Variants in EFNA5 observed in about 807,000 individuals in gnomAD.
The protein encoded by EFNA5 is ephrin A5.
Under a neutral mutation model 22.9 loss-of-function variants are expected in EFNA5, and 5 were observed. That is an observed-to-expected ratio of 0.22 (90% CI 0.11 to 0.46). The LOEUF is 0.46. Among genes scored for constraint, EFNA5 ranks in the 20% least tolerant of loss-of-function variants. The probability of loss-of-function intolerance (pLI) is 0.99; values close to 1 mark genes in which losing one functional copy is unlikely to be tolerated. For synonymous variants in EFNA5, 113 were observed against 112.2 expected (o/e 1.01, Z -0.04); for missense variants, 237 against 293.3 (o/e 0.81, Z 1.40).
At chr5:107,396,995 G>A (rs549999008) in intron 2 of EFNA5, among the ~76,000 whole-genome samples, 2 of 152,236 alleles carry the variant, frequency 1.3e-5, no homozygotes, top group African/African-American at 4.8e-5. Flanking sequence ...AAGGAAACCA[G>A]CCCAGAGGTG....
chr5:107,601,129 A>C (rs1749583996), intron 1 of EFNA5, among the ~76,000 whole-genome samples: 1 of 152,220 alleles, frequency 6.6e-6, no homozygotes, highest in Non-Finnish European at 1.5e-5. Flanking sequence ...ACTTCGAAAG[A>C]GGTTTAGATT....
At chr5:107,599,662 C>G (rs1426782476) in intron 1 of EFNA5, among the ~76,000 whole-genome samples, 1 of 152,184 alleles carries the variant, frequency 6.6e-6, no homozygotes, top group African/African-American at 2.4e-5. Context: ...ATAAATATCA[C>G]TGCAGTCTAG....
In EFNA5 at chr5:107,512,669, T is replaced by C. The variant is rs1299810926; in HGVS notation, c.126-85160A>G. On this transcript the variant is annotated intron_variant, in intron 1 of 4. Transcript: ENST00000333274. ...TTTTGCAAAAGCATATACGAGAACTTAACTCCAAGATGACAGCTCCATCAA... is the reference window on the plus strand; with the variant it reads ...TTTTGCAAAAGCATATACGAGAACTCAACTCCAAGATGACAGCTCCATCAA... Among the ~76,000 whole-genome samples, 3 of 151,810 alleles carry C rather than the reference T, an allele frequency of 2.0e-5. No homozygotes were observed. In the East Asian group the frequency reaches 5.8e-4, roughly 29 times the overall value.
intron 4 of EFNA5, among the ~76,000 whole-genome samples, chr5:107,381,641 G>T (rs1006806110): frequency 3.3e-5 from 5 of 152,166 alleles, no homozygotes; most frequent in Non-Finnish European, 7.3e-5. Flanking sequence ...CCTTTGGCCT[G>T]TGAGCTGCTT....
chr5:107,653,460 C>T (rs1187659496), intron 1 of EFNA5, among the ~76,000 whole-genome samples: 1 of 152,146 alleles, frequency 6.6e-6, no homozygotes, highest in Non-Finnish European at 1.5e-5. Context: ...CTTGAGCCCG[C>T]TCTGGAGTGC....
At chr5:107,575,658 A>G (rs1040568104) in intron 1 of EFNA5, among the ~76,000 whole-genome samples, 2 of 152,202 alleles carry the variant, frequency 1.3e-5, no homozygotes, top group African/African-American at 2.4e-5. Context: ...ACTGAGCTCA[A>G]TGAAAACAAG....
At chr5:107,602,229 C>T (rs185609810) in intron 1 of EFNA5, among the ~76,000 whole-genome samples, 1 of 152,128 alleles carries the variant, frequency 6.6e-6, no homozygotes, top group Non-Finnish European at 1.5e-5. Flanking sequence ...TCCACAGGTA[C>T]CTCACTTATC....
intron 1 of EFNA5, among the ~76,000 whole-genome samples, chr5:107,615,812 C>T (rs535636084): frequency 1.3e-5 from 2 of 152,254 alleles, no homozygotes; most frequent in African/African-American, 2.4e-5. Flanking sequence ...ATCTTTTCTT[C>T]CCTCCAGTTA....
At chr5:107,395,052 T>TTTTTTTTTTTTTC (rs1554056358) in intron 2 of EFNA5, among the ~76,000 whole-genome samples, 65 of 144,264 alleles carry the variant, frequency 4.5e-4, no homozygotes, top group Non-Finnish European at 7.3e-4. Context: ...TTTTTTTTTT[T>TTTTTTTTTTTTTC]CCGCGAGACA....
chr5:107,516,174 T>TTGTG (rs59824895), intron 1 of EFNA5, among the ~76,000 whole-genome samples: 39,047 of 139,350 alleles, frequency 0.28, 5,963 homozygotes, highest in East Asian at 0.5. Flanking sequence ...CTGGCTAGTT[T>TTGTG]TGTGTGTGTG....
intron 1 of EFNA5, among the ~76,000 whole-genome samples, chr5:107,511,041 T>A (rs866972583): frequency 1.4e-4 from 21 of 149,832 alleles, no homozygotes; most frequent in African/African-American, 3.5e-4. Context: ...TGTGTGTGTG[T>A]GAGACGGAGA....
At chr5:107,427,622 T>A (rs1748842405) in intron 1 of EFNA5, 113 bp from the exon 2 acceptor site, 7 of 923,720 alleles carry the variant, frequency 7.6e-6, no homozygotes, top group Non-Finnish European at 7.7e-6. Flanking sequence ...GTATAGTAAG[T>A]TCTTACTGAA....
intron 1 of EFNA5, among the ~76,000 whole-genome samples, chr5:107,589,337 T>G (rs1245749408): frequency 1.3e-5 from 2 of 152,192 alleles, no homozygotes; most frequent in East Asian, 3.8e-4. Context: ...CAGATCCTTT[T>G]CTATTCAGAT....
intron 1 of EFNA5, among the ~76,000 whole-genome samples, chr5:107,436,755 C>G (rs372825481): frequency 1.7e-3 from 259 of 152,136 alleles, no homozygotes; most frequent in Middle Eastern, 6.8e-3. Flanking sequence ...CCAAGGAGAA[C>G]AGGATTAAAC....
At chr5:107,453,870 G>A (rs77449303) in intron 1 of EFNA5, among the ~76,000 whole-genome samples, 1 of 152,080 alleles carries the variant, frequency 6.6e-6, no homozygotes. Context: ...TGTCTCCCCT[G>A]ATTGTGACGG....
intron 1 of EFNA5, among the ~76,000 whole-genome samples, chr5:107,492,344 T>A (rs1327955345): frequency 6.6e-6 from 1 of 152,238 alleles, no homozygotes; most frequent in Non-Finnish European, 1.5e-5. Context: ...AAGAAACAGT[T>A]ATATGTCATC....
chr5:107,582,762 AAAAT>A (rs199600593), intron 1 of EFNA5, among the ~76,000 whole-genome samples: 4,625 of 152,172 alleles, frequency 0.03, 97 homozygotes, highest in Middle Eastern at 0.051. Context: ...AAAAAAAGTA[AAAAT>A]AAATGACCTC....
chr5:107,611,366 C>T (rs932847656), intron 1 of EFNA5, among the ~76,000 whole-genome samples: 1 of 152,250 alleles, frequency 6.6e-6, no homozygotes, highest in Admixed American at 6.5e-5. Flanking sequence ...TCAGCATACA[C>T]CTTTTTGCTA....
At chr5:107,432,889 G>A (rs1432928537) in intron 1 of EFNA5, among the ~76,000 whole-genome samples, 1 of 152,026 alleles carries the variant, frequency 6.6e-6, no homozygotes, top group Non-Finnish European at 1.5e-5. Flanking sequence ...CTCATCCTCA[G>A]TCTACTCAAT....
Sources: gnomAD v4.1 joint callset for allele counts (sites outside exome capture counted in the v4.1 genomes callset) on GRCh38, gnomAD v4.1.1 for gene constraint, MANE v1.5 for transcripts, NCBI Gene and HGNC (gene_info 2026-07-23, HGNC 2026-07-21) for gene names.